PRIMPOL: variants seen among roughly 807,000 people sequenced by gnomAD.
PRIMPOL encodes DNA-directed primase/polymerase protein.
In PRIMPOL, 54 loss-of-function variants were observed where a neutral mutation model predicts 63.6. That is an observed-to-expected ratio of 0.85 (90% CI 0.68 to 1.07). PRIMPOL has a LOEUF of 1.07. PRIMPOL is among the 50% of genes least tolerant of loss of function. The pLI is 0.00. For synonymous variants in PRIMPOL, 197 were observed against 220.2 expected (o/e 0.89, Z 0.93); for missense variants, 610 against 648.3 (o/e 0.94, Z 0.64).
At chr4:184,675,686 G>C (rs768236747) in intron 7 of PRIMPOL, among the ~76,000 whole-genome samples, 1 of 152,092 alleles carries the variant, frequency 6.6e-6, no homozygotes, top group African/African-American at 2.4e-5. Flanking sequence ...GCATGGTGGT[G>C]CATGCCTGTA....
intron 9 of PRIMPOL, among the ~76,000 whole-genome samples, chr4:184,684,285 G>A (rs977736181): frequency 9.2e-5 from 14 of 151,850 alleles, no homozygotes; most frequent in East Asian, 3.9e-4. Flanking sequence ...GTGAAACCCC[G>A]TCTCTACTAA....
chr4:184,683,099 T>C (rs970450340), intron 9 of PRIMPOL, among the ~76,000 whole-genome samples: 3 of 152,016 alleles, frequency 2.0e-5, no homozygotes, highest in African/African-American at 7.3e-5. Flanking sequence ...TCAGGTTTTC[T>C]ATCTCAAATG....
intron 4 of PRIMPOL, 79 bp downstream of exon 4, chr4:184,659,516 A>C: frequency 9.7e-7 from 1 of 1,031,136 alleles, no homozygotes. Context: ...AAATTAGTTC[A>C]GGCTGAATTG....
rs1743599069 is a variant in PRIMPOL, at chr4:184,649,740, C to G, written c.-306C>G. 1 of 152,430 alleles carries G rather than the reference C, an allele frequency of 6.6e-6. No homozygotes were observed. The highest frequency in any genetic ancestry group is 6.5e-5 in the Admixed American group (1 of 15,284). 9.4% of individuals were successfully genotyped at this position (152,430 alleles called of 1,614,324 possible). A position where few individuals can be genotyped will look rare whatever the true frequency, so the allele number is the denominator to read the frequency against. On this transcript the variant is annotated 5_prime_UTR_variant, in exon 1 of 14. Coordinates refer to ENST00000314970, the MANE Select transcript of PRIMPOL (RefSeq NM_152683.4). The stretch of plus-strand genomic sequence containing the variant: ...CCCGCCCCGGATTTGAAATCTAGGT[C>G]TTCCTGAGAGTCCGCGGGCTTCCGC...
At chr4:184,694,444 A>T (rs919129737) in intron 13 of PRIMPOL, 78 bp from the exon 14 acceptor site, 17 of 1,508,268 alleles carry the variant, frequency 1.1e-5, no homozygotes, top group Middle Eastern at 1.8e-4. Context: ...ACTTCAACAT[A>T]GAGTATAAGG....
At chr4:184,685,818 C>G (rs1756838855) in intron 11 of PRIMPOL, 134 bp downstream of exon 11, 1 of 465,432 alleles carries the variant, frequency 2.1e-6, no homozygotes, top group East Asian at 4.3e-5. Flanking sequence ...TTTTTTTTTT[C>G]CAAGACGAAA....
intron 5 of PRIMPOL, among the ~76,000 whole-genome samples, chr4:184,663,027 A>ATTC (rs1553990910): frequency 2.2e-4 from 30 of 139,112 alleles, no homozygotes; most frequent in African/African-American, 8.7e-4. Context: ...CTTTATTATT[A>ATTC]TTATTATTAT....
chr4:184,651,242 G>A (rs1257493911), intron 1 of PRIMPOL, among the ~76,000 whole-genome samples: 1 of 151,346 alleles, frequency 6.6e-6, no homozygotes, highest in African/African-American at 2.5e-5. Context: ...AGTGAGCTGA[G>A]ATTGCGCCAC....
Position 184,678,092 on chromosome 4 carries a change from C to G in PRIMPOL, c.845-140C>G, listed in dbSNP as rs760674777. 3.7e-5 allele frequency: 17 copies of G among 463,634 alleles called. 1 individual carries two copies. Among genetic ancestry groups the G allele is most frequent in the Middle Eastern group, 6.0e-4 (1 of 1,676 alleles). The allele number at this position is 463,634 out of a possible 1,614,324, so 28.7% of individuals were successfully genotyped here. A position where few individuals can be genotyped will look rare whatever the true frequency, so the allele number is the denominator to read the frequency against. Reference sequence around the variant, plus strand: ...GCAATTTGTTTTAATTTATATAGTGCTTTAATTTTATTTTGTTTACAGCTA... The same window carrying G: ...GCAATTTGTTTTAATTTATATAGTGGTTTAATTTTATTTTGTTTACAGCTA... On this transcript the variant is annotated intron_variant, in intron 7 of 13. Coordinates refer to ENST00000314970, the MANE Select transcript of PRIMPOL (RefSeq NM_152683.4).
chr4:184,657,444 T>C (rs1746786490), intron 3 of PRIMPOL, 124 bp downstream of exon 3: 7 of 738,734 alleles, frequency 9.5e-6, no homozygotes, highest in Non-Finnish European at 1.0e-5. Flanking sequence ...TTTCAGGCCA[T>C]GTATTCTACC....
intron 13 of PRIMPOL, among the ~76,000 whole-genome samples, chr4:184,693,076 C>T (rs1006955733): frequency 6.6e-6 from 1 of 152,116 alleles, no homozygotes; most frequent in Non-Finnish European, 1.5e-5. Context: ...CTGCTACAAG[C>T]AGAACAGGTG....
chr4:184,681,033 C>T (rs1412151667), intron 8 of PRIMPOL, among the ~76,000 whole-genome samples: 2 of 152,118 alleles, frequency 1.3e-5, no homozygotes, highest in Non-Finnish European at 2.9e-5. Flanking sequence ...CCCGATTACC[C>T]AATCTCGTTT....
intron 6 of PRIMPOL, 76 bp from the exon 7 acceptor site, chr4:184,672,097 T>C: frequency 3.1e-6 from 4 of 1,300,098 alleles, no homozygotes; most frequent in Non-Finnish European, 4.3e-6. Flanking sequence ...AATTGTCATA[T>C]GTGGATTCCT....
At chr4:184,680,837 G>GT (rs150616160) in intron 8 of PRIMPOL, among the ~76,000 whole-genome samples, 15,454 of 152,238 alleles carry the variant, frequency 0.1, 940 homozygotes, top group Middle Eastern at 0.16. Context: ...AGCAGTAGTA[G>GT]ATCCGGGATT....
intron 13 of PRIMPOL, among the ~76,000 whole-genome samples, chr4:184,693,319 A>G (rs1187104273): frequency 1.3e-5 from 2 of 152,222 alleles, no homozygotes; most frequent in African/African-American, 2.4e-5. Flanking sequence ...CGCCCTTGTT[A>G]GTCTGGATTG....
chr4:184,651,114 CCTGT>C (rs1744265240), intron 1 of PRIMPOL, among the ~76,000 whole-genome samples: 1 of 151,904 alleles, frequency 6.6e-6, no homozygotes, highest in Non-Finnish European at 1.5e-5. Context: ...ATGGTGAAAC[CCTGT>C]CTTTACTAAA....
At chr4:184,680,137 G>C (rs371148453) in intron 8 of PRIMPOL, among the ~76,000 whole-genome samples, 1 of 152,062 alleles carries the variant, frequency 6.6e-6, no homozygotes, top group African/African-American at 2.4e-5. Context: ...CATGGTTAAG[G>C]TTCAGACTAA....
chr4:184,662,114 T>C (rs1172821347), intron 5 of PRIMPOL, among the ~76,000 whole-genome samples: 2 of 152,152 alleles, frequency 1.3e-5, no homozygotes, highest in African/African-American at 4.8e-5. Context: ...TTTGCAATTT[T>C]GCTGTCTGGT....
chr4:184,675,009 G>T (rs573302498), intron 7 of PRIMPOL, among the ~76,000 whole-genome samples: 7 of 152,202 alleles, frequency 4.6e-5, no homozygotes, highest in South Asian at 4.2e-4. Context: ...TTACAATATC[G>T]CACTAAACAC....
Sources: allele counts gnomAD v4.1 joint callset (sites outside exome capture counted in the v4.1 genomes callset), GRCh38; gene constraint gnomAD v4.1.1; transcripts MANE v1.5; gene names NCBI Gene and HGNC (gene_info 2026-07-23, HGNC 2026-07-21).